The following FBXL12 variants were observed in gnomAD, a reference collection of about 807,000 sequenced individuals.
FBXL12 encodes the protein F-box/LRR-repeat protein 12.
A neutral mutation model predicts 24.9 loss-of-function variants in FBXL12; 22 were observed. The ratio of observed to expected loss-of-function variants is 0.88; its 90% CI spans 0.63 to 1.26. The LOEUF (loss-of-function observed/expected upper bound fraction) is 1.26, where lower values mean the gene tolerates loss of function less well. Ranked by LOEUF, FBXL12 falls within the 50% of genes most tolerant of loss-of-function variation. The pLI, the probability that FBXL12 is intolerant of heterozygous loss-of-function variation, is 0.00. For missense variants in FBXL12, 384 were observed against 434.1 expected (o/e 0.88, Z 1.03); for synonymous variants, 193 against 193.8 (o/e 1.00, Z 0.03).
chr19:9,811,619 G>A lies in FBXL12; in HGVS notation c.258C>T (p.Ala86=), dbSNP rs1599422175. 2.0e-6 allele frequency: 3 copies of A among 1,536,216 alleles called. No homozygotes were observed. Among genetic ancestry groups the A allele is most frequent in the African/African-American group, 2.8e-5 (2 of 72,584 alleles). Residue 86 remains alanine (A), a synonymous_variant, in exon 3 of 3, where the codon GCC becomes GCT. Coordinates refer to ENST00000247977, the MANE Select transcript of FBXL12 (RefSeq NM_017703.3). This position sits in a 1 kb window ranked among gnomAD's most constrained non-coding sequence, Gnocchi z 6.0. ...TCAACAGAGCAGGGGACAACTGGGGGGCCTGGGAGCCAGAGAACAGGTAGC... is the reference window on the plus strand; with the variant it reads ...TCAACAGAGCAGGGGACAACTGGGGAGCCTGGGAGCCAGAGAACAGGTAGC... The part of the protein sequence containing the change: ...MGGYLFSGSQ[A]PQLSPALLRA...
rs753458495 is a variant in FBXL12 at position 9,811,697 on chromosome 19, C to T, written c.180G>A (p.Trp60Ter). The T allele has an allele frequency of 1.3e-6, 2 of 1,512,054 alleles. No individual in the cohort carries two copies. Among genetic ancestry groups the T allele is most frequent in the South Asian group, 1.3e-5 (1 of 74,846 alleles). The allele number at this position is 1,512,054 out of a possible 1,614,324, so 93.7% of individuals were successfully genotyped here. A position where few individuals can be genotyped will look rare whatever the true frequency, so the allele number is the denominator to read the frequency against. The change falls in exon 3 of 3, where the codon TGG becomes TGA. Residue 60 changes from tryptophan to a stop codon, truncating the protein, a stop_gained. Transcript: ENST00000247977. LOFTEE classifies it high-confidence loss of function. The surrounding 1 kb of genome is among the most constrained non-coding windows in gnomAD (Gnocchi z 6.0). The stretch of plus-strand genomic sequence containing the variant: ...ATGCCATGTACCTTCGAAGGAGGTG[C>T]CACATGACTTTAGGTCGCATCTGTA... ...TLYTMRPKVM[W>*]HLLRRYMASR...
chr19:9,818,402 G>C (rs985793505), intron 2 of FBXL12, 143 bp downstream of exon 2: 1 of 836,782 alleles, frequency 1.2e-6, no homozygotes, highest in African/African-American at 1.7e-5. Flanking sequence ...GCTGGTAAGC[G>C]ATGATGCCGA....
Position 9,819,008 on chromosome 19 carries a change from C to G in FBXL12, c.-195G>C. ...GGGGACCAGAAACCAGCCTGGAAAG[C>G]GTGGCTGAGGCAGTGAGAGGCTTGC... is the stretch of plus-strand genomic sequence containing the variant. On this transcript the variant is annotated 5_prime_UTR_variant, in exon 1 of 3. Transcript: ENST00000247977. The G allele has an allele frequency of 1.6e-6, 1 of 608,170 alleles. No homozygotes were observed. The highest frequency in any genetic ancestry group is 2.0e-5 in the South Asian group (1 of 50,258). The allele number at this position is 608,170 out of a possible 1,614,324, so 37.7% of individuals were successfully genotyped here.
At chr19:9,816,911 G>A (rs2045897608) in intron 2 of FBXL12, among the ~76,000 whole-genome samples, 1 of 152,142 alleles carries the variant, frequency 6.6e-6, no homozygotes, top group Non-Finnish European at 1.5e-5. Context: ...CATGGCGGGA[G>A]GTGAAAGGCG....
In FBXL12 at chr19:9,818,502, C is replaced by CACCGCG. The variant is rs753917969; in HGVS notation, c.159+37_159+42dup. The CACCGCG allele has an allele frequency of 3.3e-6, 5 of 1,527,920 alleles. No homozygotes were observed. In the South Asian group the frequency reaches 6.0e-5, roughly 18 times the overall value. The allele number at this position is 1,527,920 out of a possible 1,614,324, so 94.6% of individuals were successfully genotyped here. ...GGAGAGGTGGTCTTCGGGGTCCGGG[C>CACCGCG]ACCGCGACCGCGGCCCAGGCCCGCC... is the stretch of plus-strand genomic sequence containing the variant. On this transcript the variant is annotated intron_variant, in intron 2 of 2. Transcript: ENST00000247977.
chr19:9,812,415 C>T (rs1021486962), intron 2 of FBXL12, among the ~76,000 whole-genome samples: 1 of 151,124 alleles, frequency 6.6e-6, no homozygotes, highest in Non-Finnish European at 1.5e-5. Context: ...CCTGTAATCC[C>T]AGCTACTCAA....
Position 9,810,835 on chromosome 19 carries a change from C to T in FBXL12, c.*61G>A, listed in dbSNP as rs2045724553. 2 of 1,367,850 alleles carry T rather than the reference C, an allele frequency of 1.5e-6. No individual in the cohort carries two copies. The highest frequency in any genetic ancestry group is 2.9e-5 in the African/African-American group (2 of 69,598). The allele number at this position is 1,367,850 out of a possible 1,614,324, so 84.7% of individuals were successfully genotyped here. A position where few individuals can be genotyped will look rare whatever the true frequency, so the allele number is the denominator to read the frequency against. On this transcript the variant is annotated 3_prime_UTR_variant, in exon 3 of 3. Coordinates refer to ENST00000247977, the MANE Select transcript of FBXL12 (RefSeq NM_017703.3). ...ATTATCTGCCCTCTTCAAGGTGCTGCTCAGAGGGTCTGGGGCTCAATGATG... is the reference window on the plus strand; with the variant it reads ...ATTATCTGCCCTCTTCAAGGTGCTGTTCAGAGGGTCTGGGGCTCAATGATG...
In FBXL12 at chr19:9,810,888, TGGA is replaced by T; in HGVS notation, c.*5_*7del. On this transcript the variant is annotated 3_prime_UTR_variant, in exon 3 of 3. Transcript: ENST00000247977. ...AACTGGGATGGGTCCCAAGGGCAGG[TGGA>T]GTAGTTACATCCACCAGTCCATAGA... is the stretch of plus-strand genomic sequence containing the variant. 1 of 1,568,514 alleles carries T rather than the reference TGGA, an allele frequency of 6.4e-7. No homozygotes were observed. Among genetic ancestry groups the T allele is most frequent in the Non-Finnish European group, 8.7e-7 (1 of 1,149,392 alleles).
Position 9,811,119 on chromosome 19 carries a change from G to C in FBXL12, c.758C>G (p.Ala253Gly), listed in dbSNP as rs774003991. 3 of 1,605,632 alleles carry C rather than the reference G, an allele frequency of 1.9e-6. No individual in the cohort carries two copies. Among genetic ancestry groups the C allele is most frequent in the Non-Finnish European group, 1.7e-6 (2 of 1,173,016 alleles). Residue 253 changes from alanine (A) to glycine (G), a missense_variant, in exon 3 of 3, where the codon GCC becomes GGC. Ala to Gly is a moderately conservative substitution (Grantham distance 60). Coordinates refer to ENST00000247977, the MANE Select transcript of FBXL12 (RefSeq NM_017703.3). This position sits in a 1 kb window ranked among gnomAD's most constrained non-coding sequence, Gnocchi z 6.0. The stretch of plus-strand genomic sequence containing the variant: ...ACCCTGCAGGCACAGACTCTCCAGG[G>C]CCGGCATTCCCTCCAGCACAGCCAG... The part of the protein sequence containing the change: ...PGLAVLEGMP[A>G]LESLCLQGPL...
At position 9,811,587 on chromosome 19, in the gene FBXL12, A is replaced by G. The variant is rs760078341; in HGVS notation, c.290T>C (p.Leu97Pro). 6.3e-7 allele frequency: 1 copy of G among 1,581,716 alleles called. No individual in the cohort carries two copies. Among genetic ancestry groups the G allele is most frequent in the South Asian group, 1.2e-5 (1 of 85,782 alleles). The change falls in exon 3 of 3, where the codon CTG becomes CCG. Residue 97 changes from leucine to proline, a missense_variant. By Grantham distance (98) the Leu-to-Pro change is moderately conservative (BLOSUM62 -3). Transcript: ENST00000247977. The surrounding 1 kb of genome is among the most constrained non-coding windows in gnomAD (Gnocchi z 6.0). Reference sequence around the variant, plus strand: ...CTTCAGGTTGGGGCACTTCTGGCCCAGGGCTCTCAACAGAGCAGGGGACAA... The same window carrying G: ...CTTCAGGTTGGGGCACTTCTGGCCCGGGGCTCTCAACAGAGCAGGGGACAA... ...PQLSPALLRALGQKCPNLKRL... is the reference protein window; with the variant it reads ...PQLSPALLRAPGQKCPNLKRL...
At position 9,819,038 on chromosome 19, in the gene FBXL12, G is replaced by C. The variant is rs939593477; in HGVS notation, c.-225C>G. On this transcript the variant is annotated 5_prime_UTR_variant, in exon 1 of 3. Transcript: ENST00000247977. ...CTGAGGCAGTGAGAGGCTTGCGGGA[G>C]GTGGCTGAGGCGTGATTTGGCCGCG... is the stretch of plus-strand genomic sequence containing the variant. 1 of 585,550 alleles carries C rather than the reference G, an allele frequency of 1.7e-6. No homozygotes were observed. The highest frequency in any genetic ancestry group is 1.9e-5 in the African/African-American group (1 of 53,456). 36.3% of individuals were successfully genotyped at this position (585,550 alleles called of 1,614,324 possible).
At position 9,811,546 on chromosome 19, in the gene FBXL12, C is replaced by T. The variant is rs1354760787; in HGVS notation, c.331G>A (p.Val111Met). 3 of 1,608,886 alleles carry T rather than the reference C, an allele frequency of 1.9e-6. No homozygotes were observed. Among genetic ancestry groups the T allele is most frequent in the African/African-American group, 1.3e-5 (1 of 74,854 alleles). ...ATGGGCACCATGCTCAGGTCGGCCACGTGCAGGCAGAGGCGCTTCAGGTTG... is the reference window on the plus strand; with the variant it reads ...ATGGGCACCATGCTCAGGTCGGCCATGTGCAGGCAGAGGCGCTTCAGGTTG... The part of the protein sequence containing the change: ...CPNLKRLCLH[V>M]ADLSMVPITS... Residue 111 changes from valine to methionine, a missense_variant, in exon 3 of 3, where the codon GTG becomes ATG. By Grantham distance (21) the Val-to-Met change is conservative. Coordinates refer to ENST00000247977, the MANE Select transcript of FBXL12 (RefSeq NM_017703.3). The surrounding 1 kb of genome is among the most constrained non-coding windows in gnomAD (Gnocchi z 6.0).
rs537660262 is a variant in FBXL12 at position 9,813,158 on chromosome 19, T to C, written c.160-1441A>G. The C allele has an allele frequency of 2.1e-5, 19 of 894,726 alleles. No individual in the cohort carries two copies. In the African/African-American group the frequency reaches 2.4e-4, roughly 11 times the overall value. The allele number at this position is 894,726 out of a possible 1,614,324, so 55.4% of individuals were successfully genotyped here. A position where few individuals can be genotyped will look rare whatever the true frequency, so the allele number is the denominator to read the frequency against. Reference sequence around the variant, plus strand: ...TAGACTTAGTAGAAAATAAAAAATATATATAATTGATAGCACTGGGCATTT... The same window carrying C: ...TAGACTTAGTAGAAAATAAAAAATACATATAATTGATAGCACTGGGCATTT... On this transcript the variant is annotated intron_variant, in intron 2 of 2. Coordinates refer to ENST00000247977, the MANE Select transcript of FBXL12 (RefSeq NM_017703.3).
At position 9,816,244 on chromosome 19, in the gene FBXL12, G is replaced by A. The variant is rs142684005; in HGVS notation, c.159+2301C>T. On this transcript the variant is annotated intron_variant, in intron 2 of 2. Transcript: ENST00000247977. ...ACATTTTCCCCATGGTCCTAATTAGGTTCCTTGCTACTTATGCAAATTTCT... is the reference window on the plus strand; with the variant it reads ...ACATTTTCCCCATGGTCCTAATTAGATTCCTTGCTACTTATGCAAATTTCT... 1.5e-3 allele frequency among the ~76,000 whole-genome samples: 231 copies of A among 152,242 alleles called. 4 individuals carry two copies. The highest frequency in any genetic ancestry group is 0.015 in the East Asian group (77 of 5,172).
intron 2 of FBXL12, chr19:9,813,501 A>AT: frequency 7.9e-6 from 2 of 254,068 alleles, no homozygotes; most frequent in Non-Finnish European, 7.2e-6. Context: ...ATGCCCGGCT[A>AT]ATTTTTTTTT....
chr19:9,812,191 G>A (rs773161390), intron 2 of FBXL12, among the ~76,000 whole-genome samples: 1 of 152,128 alleles, frequency 6.6e-6, no homozygotes, highest in Non-Finnish European at 1.5e-5. Context: ...GCCCCTCAAA[G>A]TGCTGGGTCT....
chr19:9,819,001 T>C lies in FBXL12; in HGVS notation c.-188A>G. ...CGCGGATGGGGACCAGAAACCAGCC[T>C]GGAAAGCGTGGCTGAGGCAGTGAGA... is the stretch of plus-strand genomic sequence containing the variant. On this transcript the variant is annotated 5_prime_UTR_variant, in exon 1 of 3. Transcript: ENST00000247977. The C allele has an allele frequency of 1.6e-6, 1 of 611,892 alleles. No individual in the cohort carries two copies. Among genetic ancestry groups the C allele is most frequent in the Non-Finnish European group, 2.9e-6 (1 of 345,064 alleles). The allele number at this position is 611,892 out of a possible 1,614,324, so 37.9% of individuals were successfully genotyped here. A position where few individuals can be genotyped will look rare whatever the true frequency, so the allele number is the denominator to read the frequency against.
At chr19:9,818,695 GC>G (rs757318304) in intron 1 of FBXL12, 32 bp downstream of exon 1, 71 of 1,543,830 alleles carry the variant, frequency 4.6e-5, no homozygotes, top group Non-Finnish European at 6.0e-5. Flanking sequence ...TGCGCCCTCC[GC>G]CCTGCCCTTC....
chr19:9,812,221 C>T (rs2045770314), intron 2 of FBXL12, among the ~76,000 whole-genome samples: 1 of 152,162 alleles, frequency 6.6e-6, no homozygotes. Flanking sequence ...AGCCACTGCA[C>T]TCGGCCACTT....
Sources: allele counts gnomAD v4.1 joint callset (sites outside exome capture counted in the v4.1 genomes callset), GRCh38; gene constraint gnomAD v4.1.1; non-coding constraint Gnocchi (gnomAD v3.1); transcripts MANE v1.5; gene names NCBI Gene and HGNC (gene_info 2026-07-23, HGNC 2026-07-21).